DPP6: variants seen among roughly 807,000 people sequenced by gnomAD.
The protein encoded by DPP6 is dipeptidyl peptidase like 6.
Under a neutral mutation model 122.6 loss-of-function variants are expected in DPP6, and 69 were observed. That is an observed-to-expected ratio of 0.56 (90% confidence interval 0.46 to 0.69). The LOEUF (loss-of-function observed/expected upper bound fraction) is 0.69. Ranked by LOEUF, DPP6 falls within the 30% of genes least tolerant of loss-of-function variation. DPP6 has a pLI of 0.00. For missense variants in DPP6, 928 were observed against 1,116.9 expected (o/e 0.83, Z 2.41); for synonymous variants, 418 against 433.1 (o/e 0.97, Z 0.43).
At chr7:154,692,322 A>G (rs913686105) in intron 7 of DPP6, among the ~76,000 whole-genome samples, 1 of 152,222 alleles carries the variant, frequency 6.6e-6, no homozygotes, top group Non-Finnish European at 1.5e-5. Flanking sequence ...AGGAAGATTA[A>G]GATACTTATT....
At chr7:154,050,800 A>T (rs1475074962), upstream of DPP6, among the ~76,000 whole-genome samples, 6 of 107,008 alleles carry the variant, frequency 5.6e-5, no homozygotes, top group Admixed American at 4.4e-4. Flanking sequence ...GCTATTTTTT[A>T]AAGTGTTTTT....
intron 1 of DPP6, among the ~76,000 whole-genome samples, chr7:154,272,043 T>C (rs902881037): frequency 6.6e-6 from 1 of 152,204 alleles, no homozygotes; most frequent in Non-Finnish European, 1.5e-5. Context: ...CTCTACATTT[T>C]GCATCCTGAA....
chr7:154,775,323 C>G (rs1796493346), intron 10 of DPP6, among the ~76,000 whole-genome samples: 1 of 152,122 alleles, frequency 6.6e-6, no homozygotes, highest in Non-Finnish European at 1.5e-5. Context: ...AGGCAAGGAT[C>G]ATAGGGCTGG....
Position 154,760,034 on chromosome 7 carries a change from A to G in DPP6, c.884-9383A>G, listed in dbSNP as rs1056445193. ...GCTACTCGGGAGGCCGAGGCAGAAG[A>G]ATCACTTGAACCCAGCAGGCAGAGG... On this transcript the variant is annotated intron_variant, in intron 8 of 25. Coordinates refer to ENST00000377770, the MANE Select transcript of DPP6 (RefSeq NM_130797.4). This position sits in a 1 kb window ranked among gnomAD's most constrained non-coding sequence, Gnocchi z 4.5. Among the ~76,000 whole-genome samples, 2 of 152,186 alleles carry G rather than the reference A, an allele frequency of 1.3e-5. No individual in the cohort carries two copies. Among genetic ancestry groups the G allele is most frequent in the East Asian group, 1.9e-4 (1 of 5,184 alleles).
intron 16 of DPP6, among the ~76,000 whole-genome samples, chr7:154,812,138 C>T (rs1799098757): frequency 6.6e-6 from 1 of 152,126 alleles, no homozygotes; most frequent in South Asian, 2.1e-4. Flanking sequence ...TGGATACCAA[C>T]CAGCCAAAAG....
intron 1 of DPP6, among the ~76,000 whole-genome samples, chr7:154,220,436 A>G (rs1800239209): frequency 6.6e-6 from 1 of 152,206 alleles, no homozygotes; most frequent in South Asian, 2.1e-4. Context: ...AGGTGGGAGG[A>G]GAGAGAGGAG....
intron 10 of DPP6, among the ~76,000 whole-genome samples, chr7:154,784,292 C>A (rs765304781): frequency 1.3e-5 from 2 of 152,076 alleles, no homozygotes; most frequent in Non-Finnish European, 2.9e-5. Context: ...AAGAGTGAGC[C>A]AGACCTCGGC....
chr7:154,526,774 GA>G (rs1563805450), intron 3 of DPP6, among the ~76,000 whole-genome samples: 1 of 152,096 alleles, frequency 6.6e-6, no homozygotes, highest in Non-Finnish European at 1.5e-5. Flanking sequence ...AGAGCCAAAG[GA>G]AAAATCACTC....
rs1202002600 is a variant in DPP6 at position 154,807,086 on chromosome 7, T to C, written c.1640T>C (p.Met547Thr). The change falls in exon 16 of 26, where the codon ATG (methionine) becomes ACG (threonine). Residue 547 changes from methionine to threonine, a missense_variant. Coordinates refer to ENST00000377770, the MANE Select transcript of DPP6 (RefSeq NM_130797.4). ...TYFSASFSHS[M>T]DFFLLKCEGP... ...TTCAGCGCTTCCTTCAGCCATAGCATGGACTTCTTCCTGCTCAAGTGCGAA... is the reference window on the plus strand; with the variant it reads ...TTCAGCGCTTCCTTCAGCCATAGCACGGACTTCTTCCTGCTCAAGTGCGAA... The C allele has an allele frequency of 6.2e-7, 1 of 1,613,552 alleles. No individual in the cohort carries two copies. The highest frequency in any genetic ancestry group is 2.2e-5 in the East Asian group (1 of 44,884).
chr7:153,871,612 T>A, the DPP6 span, among the ~76,000 whole-genome samples: 1 of 152,238 alleles, frequency 6.6e-6, no homozygotes, highest in Non-Finnish European at 1.5e-5. Flanking sequence ...GGTGAGGCGA[T>A]GCCTTGCCCT....
At chr7:154,173,924 A>T (rs1797665253) in intron 1 of DPP6, among the ~76,000 whole-genome samples, 1 of 152,168 alleles carries the variant, frequency 6.6e-6, no homozygotes, top group Admixed American at 6.5e-5. Context: ...TGCTCCATGC[A>T]GCTAGTTCCT....
chr7:153,887,639 G>A (rs1798988962), exon 1 of DPP6: 1 of 1,611,308 alleles, frequency 6.2e-7, no homozygotes, highest in South Asian at 1.1e-5. Flanking sequence ...AATGGATTAA[G>A]TTTCTCTTCC....
intron 1 of DPP6, among the ~76,000 whole-genome samples, chr7:153,995,568 G>T (rs1797386202): frequency 9.6e-6 from 1 of 104,444 alleles, no homozygotes; most frequent in South Asian, 3.4e-4. Context: ...TGGCCCAGGT[G>T]AAAGAGTGAG....
chr7:154,388,139 T>G (rs180947233), intron 1 of DPP6, among the ~76,000 whole-genome samples: 1 of 151,978 alleles, frequency 6.6e-6, no homozygotes, highest in Non-Finnish European at 1.5e-5. Context: ...CCATCTCTAT[T>G]AAAAATACAA....
At chr7:154,184,429 G>A (rs1798251146) in intron 1 of DPP6, among the ~76,000 whole-genome samples, 1 of 151,866 alleles carries the variant, frequency 6.6e-6, no homozygotes, top group Admixed American at 6.6e-5. Context: ...GAAGTCTGTG[G>A]TTGTTGGTAA....
intron 1 of DPP6, among the ~76,000 whole-genome samples, chr7:154,029,471 C>T (rs768589573): frequency 2.6e-5 from 4 of 151,192 alleles, no homozygotes; most frequent in South Asian, 2.1e-4. Context: ...GAGCTGAGAT[C>T]GCACCACTGT....
chr7:154,240,372 C>T (rs540802539), intron 1 of DPP6, among the ~76,000 whole-genome samples: 1 of 152,270 alleles, frequency 6.6e-6, no homozygotes, highest in East Asian at 1.9e-4. Flanking sequence ...ACTGACCAGC[C>T]TTCCCTGACT....
chr7:154,540,708 A>T lies in DPP6; in HGVS notation c.552+82A>T, dbSNP rs571802338. The T allele has an allele frequency of 3.1e-5, 25 of 804,706 alleles. No homozygotes were observed. The Admixed American group carries it at 7.2e-4, about 23-fold the overall frequency. 49.8% of individuals were successfully genotyped at this position (804,706 alleles called of 1,614,324 possible). ...AAAACAGAAAATGACTTTTGGTTTC[A>T]ACTTTTAGCATAGCCAAGGAGAAGC... On this transcript the variant is annotated intron_variant, in intron 4 of 25. Coordinates refer to ENST00000377770, the MANE Select transcript of DPP6 (RefSeq NM_130797.4).
rs1585822333 is a variant in DPP6 at position 154,282,322 on chromosome 7, C to T, written c.244-163892C>T. On this transcript the variant is annotated intron_variant, in intron 1 of 25. Coordinates refer to ENST00000377770, the MANE Select transcript of DPP6 (RefSeq NM_130797.4). This position sits in a 1 kb window ranked among gnomAD's most constrained non-coding sequence, Gnocchi z 4.8. ...ATGCAGGGACATGCTTCTCAGGTGG[C>T]CTCTGGATACACGTGTCCTTTGTGG... is the stretch of plus-strand genomic sequence containing the variant. Among the ~76,000 whole-genome samples the T allele has an allele frequency of 6.6e-6, 1 of 152,154 alleles. No homozygotes were observed. Among genetic ancestry groups the T allele is most frequent in the African/African-American group, 2.4e-5 (1 of 41,422 alleles).
Sources: gnomAD v4.1 joint callset for allele counts (sites outside exome capture counted in the v4.1 genomes callset) on GRCh38, gnomAD v4.1.1 for gene constraint, Gnocchi (gnomAD v3.1) non-coding constraint, MANE v1.5 for transcripts, NCBI Gene and HGNC (gene_info 2026-07-23, HGNC 2026-07-21) for gene names.